The following PCDHA1 variants were observed in gnomAD, a reference collection of about 807,000 sequenced individuals.
The protein encoded by PCDHA1 is protocadherin alpha 1.
A neutral mutation model predicts 61.3 loss-of-function variants in PCDHA1; 42 were observed. The observed-to-expected ratio is 0.69, with a 90% CI of 0.54 to 0.89. The LOEUF is 0.89. Ranked by LOEUF, PCDHA1 falls within the 40% of genes least tolerant of loss-of-function variation. PCDHA1 has a pLI of 0.00. For synonymous variants in PCDHA1, 610 were observed against 553.8 expected, an observed-to-expected ratio of 1.10 and a Z score of -1.43; for missense variants, 1,256 against 1,235.3, an observed-to-expected ratio of 1.02 and a Z score of -0.25.
rs781834509 is a variant in PCDHA1 at position 140,808,626 on chromosome 5, G to A, written c.2394+19942G>A. On this transcript the variant is annotated intron_variant, in intron 1 of 3. Transcript: ENST00000504120. ...TGCCACATCTTCACTGTGTCTGCGT[G>A]GGACGCGGACGCGCAGGAGAACGCG... 9.3e-6 allele frequency: 15 copies of A among 1,613,580 alleles called. No homozygotes were observed. In the Admixed American group the frequency reaches 1.0e-4, roughly 11 times the overall value.
At chr5:140,861,665 C>T (rs2047014898) in intron 1 of PCDHA1, 1 of 258,604 alleles carries the variant, frequency 3.9e-6, no homozygotes, top group Admixed American at 4.5e-5. Context: ...AACGAGAGCT[C>T]TTGATTATCG....
At chr5:140,828,067 G>A (rs2150150517) in intron 1 of PCDHA1, 4 of 1,560,446 alleles carry the variant, frequency 2.6e-6, no homozygotes, top group Non-Finnish European at 8.7e-7. Flanking sequence ...ATCTTCTAAT[G>A]GAAATAAAAC....
chr5:140,869,687 T>C, intron 1 of PCDHA1: 1 of 1,613,474 alleles, frequency 6.2e-7, no homozygotes, highest in Non-Finnish European at 8.5e-7. Context: ...CTGTCACTTA[T>C]TTTAAAGAAG....
chr5:140,947,551 C>G (rs1203978810), intron 1 of PCDHA1, among the ~76,000 whole-genome samples: 3 of 151,488 alleles, frequency 2.0e-5, no homozygotes, highest in Non-Finnish European at 4.4e-5. Context: ...AAGAATTCCG[C>G]TGGGATTTAT....
intron 1 of PCDHA1, among the ~76,000 whole-genome samples, chr5:140,826,793 T>C (rs1346531723): frequency 6.6e-5 from 10 of 152,152 alleles, no homozygotes; most frequent in Admixed American, 6.5e-4. Context: ...TGCAAAAAGT[T>C]GATTACCTAA....
intron 1 of PCDHA1, among the ~76,000 whole-genome samples, chr5:140,818,650 AAT>A (rs1475633979): frequency 1.3e-5 from 2 of 152,206 alleles, no homozygotes; most frequent in African/African-American, 4.8e-5. Context: ...GAGCCTGAGC[AAT>A]ATAGGGAGAC....
chr5:140,963,977 C>A (rs1311264244), intron 1 of PCDHA1, among the ~76,000 whole-genome samples: 1 of 152,164 alleles, frequency 6.6e-6, no homozygotes, highest in Non-Finnish European at 1.5e-5. Flanking sequence ...ACTCCAAAGT[C>A]TATATTCCTA....
chr5:140,823,814 G>T (rs2150129341), intron 1 of PCDHA1: 1 of 1,613,762 alleles, frequency 6.2e-7, no homozygotes, highest in Non-Finnish European at 8.5e-7. Context: ...GCCTCATCGC[G>T]GGCGTCGGCG....
At chr5:140,967,695 T>C (rs782761674) in intron 1 of PCDHA1, 5 of 1,614,184 alleles carry the variant, frequency 3.1e-6, no homozygotes, top group Admixed American at 1.7e-5. Flanking sequence ...CTCTTCAGCA[T>C]AGATGCCAGT....
intron 1 of PCDHA1, chr5:140,841,962 C>T (rs1342346203): frequency 1.2e-6 from 2 of 1,613,786 alleles, no homozygotes; most frequent in Non-Finnish European, 1.7e-6. Context: ...TTCCTGACAG[C>T]CACAGATGGG....
chr5:141,000,389 C>CTA (rs2097911342), intron 3 of PCDHA1, among the ~76,000 whole-genome samples: 14 of 62,576 alleles, frequency 2.2e-4, no homozygotes, highest in South Asian at 6.5e-4. Context: ...CTCTCTCTCT[C>CTA]TCTCTCTATA....
chr5:140,862,896 G>A (rs782777981), intron 1 of PCDHA1: 1 of 554,390 alleles, frequency 1.8e-6, no homozygotes, highest in East Asian at 4.8e-5. Flanking sequence ...CGACAACTTT[G>A]TCTGCGCTGC....
In PCDHA1 at chr5:140,858,436, G is replaced by A. The variant is rs781811192; in HGVS notation, c.2394+69752G>A. 9 of 1,542,522 alleles carry A rather than the reference G, an allele frequency of 5.8e-6. 1 individual carries two copies. In the South Asian group the frequency reaches 1.1e-4, roughly 18 times the overall value. ...CTATTGGAGGGGACCACTCTAGGAA[G>A]GTGGGTTATTACGTTTTCATTTTCC... On this transcript the variant is annotated intron_variant, in intron 1 of 3. Coordinates refer to ENST00000504120, the MANE Select transcript of PCDHA1 (RefSeq NM_018900.4).
chr5:140,874,469 G>C (rs2054929448), intron 1 of PCDHA1, among the ~76,000 whole-genome samples: 1 of 152,212 alleles, frequency 6.6e-6, no homozygotes, highest in Non-Finnish European at 1.5e-5. Flanking sequence ...GGAAGATTTA[G>C]AGAAAAAGCA....
intron 1 of PCDHA1, among the ~76,000 whole-genome samples, chr5:140,978,584 C>G (rs2096810786): frequency 6.6e-6 from 1 of 152,186 alleles, no homozygotes; most frequent in African/African-American, 2.4e-5. Flanking sequence ...TGGGAATGTT[C>G]CCTTAATGGG....
intron 1 of PCDHA1, among the ~76,000 whole-genome samples, chr5:140,924,043 G>C (rs2081638586): frequency 6.6e-6 from 1 of 152,176 alleles, no homozygotes; most frequent in Non-Finnish European, 1.5e-5. Flanking sequence ...AGACCTAAAA[G>C]TTCGGTACAT....
At chr5:140,877,205 GCGAGTTGGTACCGCGGT>G in intron 1 of PCDHA1, 1 of 1,613,826 alleles carries the variant, frequency 6.2e-7, no homozygotes, top group Non-Finnish European at 8.5e-7. Flanking sequence ...GGCGCAGTTA[GCGAGTTGGTACCGCGGT>G]CGGTGGGTGC....
intron 1 of PCDHA1, among the ~76,000 whole-genome samples, chr5:140,943,825 T>C (rs1421631991): frequency 6.6e-6 from 1 of 152,128 alleles, no homozygotes; most frequent in East Asian, 1.9e-4. Context: ...GAAAATGAGT[T>C]GATTGAAGTT....
intron 1 of PCDHA1, chr5:140,866,292 A>T (rs1453745216): frequency 6.6e-6 from 1 of 152,182 alleles, no homozygotes; most frequent in East Asian, 1.9e-4. Flanking sequence ...TGGGACAAGT[A>T]TAGATGTTGA....
Sources: allele counts gnomAD v4.1 joint callset (sites outside exome capture counted in the v4.1 genomes callset), GRCh38; gene constraint gnomAD v4.1.1; transcripts MANE v1.5; gene names NCBI Gene and HGNC (gene_info 2026-07-23, HGNC 2026-07-21).